The following BABAM2 variants were observed in gnomAD, a reference collection of about 807,000 sequenced individuals.
BABAM2 encodes BRISC and BRCA1 A complex member 2.
Under a neutral mutation model 54.7 loss-of-function variants are expected in BABAM2, and 31 were observed. That is an observed-to-expected ratio of 0.57 (90% CI 0.43 to 0.77). BABAM2 has a LOEUF of 0.77. Ranked by LOEUF, BABAM2 falls within the 30% of genes least tolerant of loss-of-function variation. BABAM2 has a pLI of 0.00. For synonymous variants in BABAM2, 167 were observed against 162.9 expected, an observed-to-expected ratio of 1.03 and a Z score of -0.19; for missense variants, 364 against 455.8, an observed-to-expected ratio of 0.80 and a Z score of 1.83.
Position 27,894,657 on chromosome 2 carries a change from G to T in BABAM2, c.101G>T (p.Cys34Phe), listed in dbSNP as rs774724440. The T allele has an allele frequency of 6.2e-7, 1 of 1,614,138 alleles. No individual in the cohort carries two copies. The highest frequency in any genetic ancestry group is 8.5e-7 in the Non-Finnish European group (1 of 1,180,012). Reference sequence around the variant, plus strand: ...AAAGTGGGACTGGATGCTACAAACTGTTTGAGGATAACTGACTTAAAATCT... The same window carrying T: ...AAAGTGGGACTGGATGCTACAAACTTTTTGAGGATAACTGACTTAAAATCT... Reference protein sequence around the residue: ...NGKVGLDATNCLRITDLKSGC... With the variant: ...NGKVGLDATNFLRITDLKSGC... The change falls in exon 2 of 12, where the codon TGT (cysteine) becomes TTT (phenylalanine). Residue 34 changes from cysteine (C) to phenylalanine (F), a missense_variant. Coordinates refer to ENST00000379624, the MANE Select transcript of BABAM2 (RefSeq NM_199191.3).
chr2:28,037,350 A>G (rs571466770), intron 5 of BABAM2, among the ~76,000 whole-genome samples: 1 of 152,162 alleles, frequency 6.6e-6, no homozygotes, highest in Non-Finnish European at 1.5e-5. Context: ...TTTTAACTCA[A>G]TATAGCTCAG....
chr2:28,206,362 T>C (rs1558435535), intron 7 of BABAM2, among the ~76,000 whole-genome samples: 1 of 152,096 alleles, frequency 6.6e-6, no homozygotes, highest in Non-Finnish European at 1.5e-5. Flanking sequence ...AGGAGACTTC[T>C]GCAAAGGGGT....
At chr2:27,896,819 C>T (rs186849091) in intron 2 of BABAM2, 7 of 227,392 alleles carry the variant, frequency 3.1e-5, no homozygotes, top group Non-Finnish European at 5.3e-5. Flanking sequence ...CAACTGGGTC[C>T]ACATTGCTCA....
chr2:28,215,567 G>A lies in BABAM2; in HGVS notation c.681-21635G>A, dbSNP rs535839280. ...GTGCTATTTAATTTTCAAACATCTC[G>A]TTGTTTGAATAAATGAATGAAAACT... On this transcript the variant is annotated intron_variant, in intron 7 of 11. Transcript: ENST00000379624. Among the ~76,000 whole-genome samples, 6 of 152,262 alleles carry A rather than the reference G, an allele frequency of 3.9e-5. No homozygotes were observed. The South Asian group carries it at 6.2e-4, about 16-fold the overall frequency.
intron 6 of BABAM2, among the ~76,000 whole-genome samples, chr2:28,061,683 T>C (rs1276338588): frequency 6.6e-6 from 1 of 151,798 alleles, no homozygotes; most frequent in Non-Finnish European, 1.5e-5. Context: ...TATATTTCCA[T>C]GTAAAGTTTA....
At chr2:27,998,034 T>C (rs1234680210) in intron 4 of BABAM2, among the ~76,000 whole-genome samples, 1 of 152,136 alleles carries the variant, frequency 6.6e-6, no homozygotes, top group African/African-American at 2.4e-5. Flanking sequence ...GCACCTGTAA[T>C]GCCAGCTACT....
At chr2:27,968,210 T>A (rs1333972727) in intron 3 of BABAM2, among the ~76,000 whole-genome samples, 1 of 152,234 alleles carries the variant, frequency 6.6e-6, no homozygotes, top group African/African-American at 2.4e-5. Context: ...CCAGGGTCCC[T>A]GTGCTGTGTG....
intron 10 of BABAM2, among the ~76,000 whole-genome samples, chr2:28,270,053 T>C (rs1185451883): frequency 6.6e-6 from 1 of 152,184 alleles, no homozygotes; most frequent in Non-Finnish European, 1.5e-5. Context: ...TTATTAGAAA[T>C]TATTTTATTG....
chr2:28,162,485 C>T (rs1421981040), intron 7 of BABAM2, among the ~76,000 whole-genome samples: 1 of 152,206 alleles, frequency 6.6e-6, no homozygotes, highest in African/African-American at 2.4e-5. Context: ...TGAATTAAAA[C>T]ATGTGTAATG....
chr2:28,275,395 T>TATA (rs1296205618), intron 10 of BABAM2, among the ~76,000 whole-genome samples: 1 of 152,156 alleles, frequency 6.6e-6, no homozygotes, highest in Non-Finnish European at 1.5e-5. Context: ...GTTGTGAAGG[T>TATA]ATAAGCCTCA....
chr2:28,116,404 G>A (rs748376226), intron 6 of BABAM2, among the ~76,000 whole-genome samples: 3 of 152,132 alleles, frequency 2.0e-5, no homozygotes, highest in African/African-American at 4.8e-5. Flanking sequence ...ATTCTCTAAC[G>A]CTTGTGGTTT....
intron 7 of BABAM2, among the ~76,000 whole-genome samples, chr2:28,176,841 C>CAAAAAA (rs370551860): frequency 2.0e-5 from 1 of 49,376 alleles, no homozygotes; most frequent in African/African-American, 6.0e-5. Context: ...CCAGTCAGAA[C>CAAAAAA]AAAAAAAAAA....
Position 28,193,594 on chromosome 2 carries a change from T to C in BABAM2, c.681-43608T>C, listed in dbSNP as rs186401037. On this transcript the variant is annotated intron_variant, in intron 7 of 11. Coordinates refer to ENST00000379624, the MANE Select transcript of BABAM2 (RefSeq NM_199191.3). ...ATACAAGGAGTTGTTATTTCTGTTG[T>C]TCTCCTGCTCTGGATCCCAAAATGC... is the stretch of plus-strand genomic sequence containing the variant. Among the ~76,000 whole-genome samples, 21 of 152,360 alleles carry C rather than the reference T, an allele frequency of 1.4e-4. No homozygotes were observed. In the East Asian group the frequency reaches 3.1e-3, roughly 22 times the overall value.
intron 4 of BABAM2, among the ~76,000 whole-genome samples, chr2:28,011,574 A>G (rs1254615506): frequency 6.6e-6 from 1 of 152,184 alleles, no homozygotes; most frequent in Admixed American, 6.5e-5. Flanking sequence ...GAGCTCAGCT[A>G]AGATGTGGAG....
intron 7 of BABAM2, among the ~76,000 whole-genome samples, chr2:28,178,470 G>A (rs1483000272): frequency 6.6e-6 from 1 of 151,942 alleles, no homozygotes; most frequent in Admixed American, 6.6e-5. Context: ...TCAAAACATA[G>A]CACACCACAA....
chr2:28,326,911 G>T (rs1307401232), intron 11 of BABAM2, among the ~76,000 whole-genome samples: 1 of 66,486 alleles, frequency 1.5e-5, no homozygotes, highest in Admixed American at 1.8e-4. Context: ...GACCTCGGCA[G>T]TTTCCTTTTT....
intron 6 of BABAM2, among the ~76,000 whole-genome samples, chr2:28,126,892 A>C (rs910445163): frequency 6.8e-6 from 1 of 147,136 alleles, no homozygotes; most frequent in Non-Finnish European, 1.5e-5. Context: ...TCTGATGGCC[A>C]GTGATGGTGA....
intron 6 of BABAM2, among the ~76,000 whole-genome samples, chr2:28,094,096 A>T (rs1666391923): frequency 6.6e-6 from 1 of 152,194 alleles, no homozygotes; most frequent in Non-Finnish European, 1.5e-5. Flanking sequence ...CCCTTCCCCA[A>T]ATTTAATTTA....
chr2:28,085,858 CT>C (rs770021076), intron 6 of BABAM2, among the ~76,000 whole-genome samples: 3 of 152,020 alleles, frequency 2.0e-5, no homozygotes, highest in Non-Finnish European at 4.4e-5. Flanking sequence ...AAGATTATGT[CT>C]TTATTTTACT....
Sources: allele counts gnomAD v4.1 joint callset (sites outside exome capture counted in the v4.1 genomes callset), GRCh38; gene constraint gnomAD v4.1.1; transcripts MANE v1.5; gene names NCBI Gene and HGNC (gene_info 2026-07-23, HGNC 2026-07-21).